The following DKK2 variants were observed in gnomAD, a reference collection of about 807,000 sequenced individuals.
The protein encoded by DKK2 is dickkopf-related protein 2.
In DKK2, 11 loss-of-function variants were observed where a neutral mutation model predicts 28.1. That is an observed-to-expected ratio of 0.39 (90% CI 0.25 to 0.65). DKK2 has a LOEUF of 0.65. Ranked by LOEUF, DKK2 falls within the 30% of genes least tolerant of loss-of-function variation. The pLI, the probability that DKK2 is intolerant of heterozygous loss-of-function variation, is 0.47. For missense variants in DKK2, 326 were observed against 335.5 expected, an observed-to-expected ratio of 0.97 and a Z score of 0.22; for synonymous variants, 135 against 126.5, an observed-to-expected ratio of 1.07 and a Z score of -0.45.
chr4:107,032,570 A>G (rs1373719499), intron 1 of DKK2, among the ~76,000 whole-genome samples: 2 of 152,114 alleles, frequency 1.3e-5, no homozygotes, highest in African/African-American at 4.8e-5. Flanking sequence ...TCTATCCTGA[A>G]AAATTAAAAT....
At chr4:107,024,382 T>C (rs1723740826) in intron 1 of DKK2, among the ~76,000 whole-genome samples, 2 of 152,076 alleles carry the variant, frequency 1.3e-5, no homozygotes, top group Admixed American at 1.3e-4. Flanking sequence ...TAAGTTCTTA[T>C]CAGAAATATG....
At chr4:106,982,758 A>T (rs967714045) in intron 1 of DKK2, among the ~76,000 whole-genome samples, 4 of 152,068 alleles carry the variant, frequency 2.6e-5, no homozygotes, top group African/African-American at 9.7e-5. Context: ...CAAAATTTCA[A>T]GACAGGCATA....
intron 1 of DKK2, among the ~76,000 whole-genome samples, chr4:107,008,746 T>G (rs376717759): frequency 6.6e-6 from 1 of 152,002 alleles, no homozygotes; most frequent in Admixed American, 6.6e-5. Flanking sequence ...TCAAATTATT[T>G]ACTTAGTGTC....
intron 1 of DKK2, among the ~76,000 whole-genome samples, chr4:106,995,329 A>C (rs930235485): frequency 2.6e-5 from 4 of 152,188 alleles, no homozygotes; most frequent in Non-Finnish European, 5.9e-5. Context: ...TTTATAAGTT[A>C]AAATTAAAAC....
chr4:106,933,333 C>T (rs895193325), intron 1 of DKK2, among the ~76,000 whole-genome samples: 2 of 152,180 alleles, frequency 1.3e-5, no homozygotes, highest in Non-Finnish European at 1.5e-5. Context: ...CTGAAAACAA[C>T]GTGAGTCTAA....
rs374274574 is a variant in DKK2 at position 107,031,394 on chromosome 4, C to T, written c.222+3976G>A. ...GTGAGCACTTTCATGAATGTTTGTG[C>T]ATACAGATACAGCACACTTTCATTA... is the stretch of plus-strand genomic sequence containing the variant. On this transcript the variant is annotated intron_variant, in intron 1 of 3. Coordinates refer to ENST00000285311, the MANE Select transcript of DKK2 (RefSeq NM_014421.3). Among the ~76,000 whole-genome samples, 4 of 151,952 alleles carry T rather than the reference C, an allele frequency of 2.6e-5. No individual in the cohort carries two copies. In the South Asian group the frequency reaches 8.3e-4, roughly 31 times the overall value.
intron 1 of DKK2, among the ~76,000 whole-genome samples, chr4:106,955,682 A>G (rs1722580039): frequency 6.6e-6 from 1 of 152,226 alleles, no homozygotes; most frequent in Non-Finnish European, 1.5e-5. Context: ...AGCTAAATCT[A>G]GATATACCAA....
chr4:106,990,243 A>T (rs532676996), intron 1 of DKK2, among the ~76,000 whole-genome samples: 1 of 152,236 alleles, frequency 6.6e-6, no homozygotes, highest in Admixed American at 6.5e-5. Flanking sequence ...TGACAGTCCC[A>T]CTATCAAGAG....
intron 1 of DKK2, among the ~76,000 whole-genome samples, chr4:107,017,481 C>T (rs553849494): frequency 2.6e-5 from 4 of 151,968 alleles, no homozygotes; most frequent in South Asian, 2.1e-4. Context: ...GACCAAGTAA[C>T]GACACAATAT....
chr4:106,957,755 G>T (rs1225907293), intron 1 of DKK2, among the ~76,000 whole-genome samples: 111 of 112,234 alleles, frequency 9.9e-4, no homozygotes, highest in Non-Finnish European at 1.6e-3. Flanking sequence ...GACTGTTGTG[G>T]GGTGGGGGGA....
At chr4:106,995,401 G>A (rs1359199189) in intron 1 of DKK2, among the ~76,000 whole-genome samples, 1 of 152,116 alleles carries the variant, frequency 6.6e-6, no homozygotes, top group Non-Finnish European at 1.5e-5. Flanking sequence ...CATTTTACAT[G>A]TGATAAAAGT....
chr4:107,008,546 G>T (rs1236047629), intron 1 of DKK2, among the ~76,000 whole-genome samples: 4 of 152,054 alleles, frequency 2.6e-5, no homozygotes, highest in Admixed American at 2.0e-4. Context: ...CCCCGTGTTA[G>T]GCAAAAATAA....
chr4:107,032,106 T>C (rs560982057), intron 1 of DKK2, among the ~76,000 whole-genome samples: 5 of 152,024 alleles, frequency 3.3e-5, no homozygotes, highest in Non-Finnish European at 7.4e-5. Flanking sequence ...ATACAGCACA[T>C]ACATGCAGTA....
At position 107,020,316 on chromosome 4, in the gene DKK2, A is replaced by T. The variant is rs188989176; in HGVS notation, c.222+15054T>A. ...ATTGCAGATGCTGTGTCCAGGACCC[A>T]TTTGGAAATGTAACTTCAAGAGGAT... On this transcript the variant is annotated intron_variant, in intron 1 of 3. Coordinates refer to ENST00000285311, the MANE Select transcript of DKK2 (RefSeq NM_014421.3). 2.6e-3 allele frequency among the ~76,000 whole-genome samples: 394 copies of T among 152,158 alleles called. 1 individual carries two copies. The highest frequency in any genetic ancestry group is 3.5e-3 in the Non-Finnish European group (240 of 67,956).
chr4:106,935,311 A>G (rs1259897882), intron 1 of DKK2, among the ~76,000 whole-genome samples: 2 of 152,214 alleles, frequency 1.3e-5, no homozygotes, highest in African/African-American at 4.8e-5. Context: ...GGGAAGCGCA[A>G]GGGGTCAGGG....
At position 107,025,449 on chromosome 4, in the gene DKK2, C is replaced by T. The variant is rs554962249; in HGVS notation, c.222+9921G>A. Among the ~76,000 whole-genome samples the T allele has an allele frequency of 9.9e-5, 15 of 152,206 alleles. No homozygotes were observed. The South Asian group carries it at 3.1e-3, about 32-fold the overall frequency. ...ACTGTAAGAGAGTTTATTTTTGAAA[C>T]TTTTTTTAGGAGTGTGAGTGGAGGA... On this transcript the variant is annotated intron_variant, in intron 1 of 3. Transcript: ENST00000285311.
intron 1 of DKK2, among the ~76,000 whole-genome samples, chr4:106,941,800 C>T (rs565205423): frequency 6.6e-6 from 1 of 152,062 alleles, no homozygotes; most frequent in Non-Finnish European, 1.5e-5. Flanking sequence ...CAGACATTTT[C>T]CAGATGATTT....
At position 107,035,725 on chromosome 4, in the gene DKK2, G is replaced by A; in HGVS notation, c.-134C>T. 2 of 865,446 alleles carry A rather than the reference G, an allele frequency of 2.3e-6. No homozygotes were observed. The highest frequency in any genetic ancestry group is 3.6e-6 in the Non-Finnish European group (2 of 560,588). 53.6% of individuals were successfully genotyped at this position (865,446 alleles called of 1,614,324 possible). A position where few individuals can be genotyped will look rare whatever the true frequency, so the allele number is the denominator to read the frequency against. On this transcript the variant is annotated 5_prime_UTR_variant, in exon 1 of 4. Coordinates refer to ENST00000285311, the MANE Select transcript of DKK2 (RefSeq NM_014421.3). Reference sequence around the variant, plus strand: ...GATTGTGTTCCCTCAACCCTTCCTGGTTCGGGGACCCAGGACCCTATGAAC... The same window carrying A: ...GATTGTGTTCCCTCAACCCTTCCTGATTCGGGGACCCAGGACCCTATGAAC...
chr4:107,013,266 T>C (rs1723540392), intron 1 of DKK2, among the ~76,000 whole-genome samples: 1 of 151,350 alleles, frequency 6.6e-6, no homozygotes, highest in South Asian at 2.1e-4. Flanking sequence ...GTAGGCATCA[T>C]ACTATTAATA....
Sources: gnomAD v4.1 joint callset for allele counts (sites outside exome capture counted in the v4.1 genomes callset) on GRCh38, gnomAD v4.1.1 for gene constraint, MANE v1.5 for transcripts, NCBI Gene and HGNC (gene_info 2026-07-23, HGNC 2026-07-21) for gene names.